The following FIBCD1 variants were observed in gnomAD, a reference collection of about 807,000 sequenced individuals.
FIBCD1 encodes the protein fibrinogen C domain containing 1, also known as fibrinogen C domain-containing protein 1.
In FIBCD1, 47 loss-of-function variants were observed where a neutral mutation model predicts 45.1. That is an observed-to-expected ratio of 1.04 (90% confidence interval 0.82 to 1.33). The LOEUF is 1.33. FIBCD1 is among the 40% of genes most tolerant of loss of function. The pLI is 0.00. For missense variants in FIBCD1, 653 were observed against 682.2 expected (o/e 0.96, Z 0.48); for synonymous variants, 313 against 308.1 (o/e 1.02, Z -0.17).
At chr9:130,912,193 G>A (rs1201812031) in intron 4 of FIBCD1, among the ~76,000 whole-genome samples, 2 of 151,432 alleles carry the variant, frequency 1.3e-5, no homozygotes, top group East Asian at 3.9e-4. Flanking sequence ...TCCCAGCAAG[G>A]AAGGCTGAGC....
intron 4 of FIBCD1, among the ~76,000 whole-genome samples, chr9:130,913,113 G>A (rs886843087): frequency 5.3e-5 from 8 of 152,126 alleles, no homozygotes; most frequent in Admixed American, 2.0e-4. Flanking sequence ...TGGGAGTCAG[G>A]AATCCCATCG....
chr9:130,932,235 A>G (rs1832454611), intron 1 of FIBCD1, among the ~76,000 whole-genome samples: 1 of 152,172 alleles, frequency 6.6e-6, no homozygotes, highest in South Asian at 2.1e-4. Flanking sequence ...TGTAAATTCA[A>G]ATTCCACAAG....
At chr9:130,919,869 C>T (rs993513050) in intron 4 of FIBCD1, among the ~76,000 whole-genome samples, 1 of 151,532 alleles carries the variant, frequency 6.6e-6, no homozygotes, top group African/African-American at 2.4e-5. Context: ...ACGTGTGTGA[C>T]CCCAGCCAGT....
At chr9:130,914,233 C>T (rs909863108) in intron 4 of FIBCD1, among the ~76,000 whole-genome samples, 2 of 152,232 alleles carry the variant, frequency 1.3e-5, no homozygotes, top group East Asian at 1.9e-4. Flanking sequence ...CCAGCCCTCC[C>T]GAGGGGTCTG....
At chr9:130,939,947 C>A (rs1024679766), upstream of FIBCD1, among the ~76,000 whole-genome samples, 1 of 152,094 alleles carries the variant, frequency 6.6e-6, no homozygotes, top group Admixed American at 6.5e-5. Context: ...CCGGCCGCCC[C>A]TCCTCCGCCC....
At chr9:130,930,136 C>G (rs1038209365) in intron 1 of FIBCD1, 90 bp from the exon 2 acceptor site, 45 of 1,427,504 alleles carry the variant, frequency 3.2e-5, no homozygotes, top group Non-Finnish European at 4.0e-5. Context: ...GTCAGAGGAC[C>G]CCCTTCTTGG....
At chr9:130,921,149 G>A (rs1197336159) in intron 4 of FIBCD1, among the ~76,000 whole-genome samples, 9 of 152,218 alleles carry the variant, frequency 5.9e-5, no homozygotes, top group Non-Finnish European at 1.3e-4. Flanking sequence ...AGGTCCCTCC[G>A]GGAAGCAGGC....
At chr9:130,915,664 T>C (rs1421530559) in intron 4 of FIBCD1, among the ~76,000 whole-genome samples, 3 of 152,084 alleles carry the variant, frequency 2.0e-5, no homozygotes, top group East Asian at 3.9e-4. Flanking sequence ...ATCGCGCCAC[T>C]GCACTCCAAC....
intron 4 of FIBCD1, among the ~76,000 whole-genome samples, chr9:130,915,613 T>G (rs1206280584): frequency 2.6e-5 from 4 of 152,068 alleles, no homozygotes; most frequent in Admixed American, 1.3e-4. Context: ...TGAGGCAGGA[T>G]AATCACTTGA....
chr9:130,940,526 T>C (rs149400066), upstream of FIBCD1, among the ~76,000 whole-genome samples: 1,353 of 152,322 alleles, frequency 8.9e-3, 10 homozygotes, highest in Admixed American at 0.015. Context: ...TAGAGGGCCC[T>C]CAGACTTGGG....
At chr9:130,917,134 AG>A (rs943799434) in intron 4 of FIBCD1, among the ~76,000 whole-genome samples, 5 of 152,150 alleles carry the variant, frequency 3.3e-5, no homozygotes, top group Non-Finnish European at 5.9e-5. Flanking sequence ...GGGGAGCAAA[AG>A]GTAGGGAAAC....
rs867164482 is a variant in FIBCD1, at chr9:130,910,209, C to T, written c.946+1583G>A. Among the ~76,000 whole-genome samples, 148 of 150,896 alleles carry T rather than the reference C, an allele frequency of 9.8e-4. 2 individuals are homozygous for T. In the Middle Eastern group the frequency reaches 0.017, roughly 17 times the overall value. ...GGGCATGGGCTTGGCGGGCCCCACA[C>T]TCAGAGCAGCCGACCAGCCCCGCTG... is the stretch of plus-strand genomic sequence containing the variant. On this transcript the variant is annotated intron_variant, in intron 5 of 6. Transcript: ENST00000372338.
chr9:130,920,607 C>T (rs1047739335), intron 4 of FIBCD1, among the ~76,000 whole-genome samples: 1 of 152,084 alleles, frequency 6.6e-6, no homozygotes, highest in Non-Finnish European at 1.5e-5. Flanking sequence ...CCCTGGGACT[C>T]CTGACACGGA....
Position 130,923,785 on chromosome 9 carries a change from G to A in FIBCD1, c.808C>T (p.Gln270Ter). The change falls in exon 4 of 7, where the codon CAG becomes TAG. Residue 270 changes from glutamine (Q) to a stop codon, truncating the protein, a stop_gained. Transcript: ENST00000372338. LOFTEE classifies it high-confidence loss of function. ...VFPTHYPAGFQVYCDMRTDGG... is the reference protein window; with the variant it reads ...VFPTHYPAGF ...TCCGTGCGCATGTCACAGTACACCT[G>A]GAAGCCGGCCGGGTAGTGGGTGGGA... is the stretch of plus-strand genomic sequence containing the variant. 1 of 1,612,898 alleles carries A rather than the reference G, an allele frequency of 6.2e-7. No homozygotes were observed. The highest frequency in any genetic ancestry group is 1.7e-4 in the Middle Eastern group (1 of 5,974).
intron 5 of FIBCD1, among the ~76,000 whole-genome samples, chr9:130,905,989 C>A (rs185637517): frequency 2.0e-5 from 3 of 152,286 alleles, no homozygotes; most frequent in African/African-American, 7.2e-5. Flanking sequence ...CCCACCAGTG[C>A]GGAATTCCCG....
intron 5 of FIBCD1, among the ~76,000 whole-genome samples, chr9:130,911,253 A>G (rs1021794301): frequency 6.6e-6 from 1 of 152,210 alleles, no homozygotes; most frequent in East Asian, 1.9e-4. Context: ...ATCAGAAGAA[A>G]AAAACTCCAG....
chr9:130,911,118 T>C (rs1367302597), intron 5 of FIBCD1, among the ~76,000 whole-genome samples: 1 of 152,062 alleles, frequency 6.6e-6, no homozygotes, highest in African/African-American at 2.4e-5. Context: ...GCTTTGTTCT[T>C]TCACTCTTTG....
chr9:130,920,743 T>C (rs1832247242), intron 4 of FIBCD1, among the ~76,000 whole-genome samples: 2 of 151,932 alleles, frequency 1.3e-5, no homozygotes, highest in South Asian at 4.2e-4. Context: ...AAACAAGCCA[T>C]ACCGTCTCCC....
intron 2 of FIBCD1, among the ~76,000 whole-genome samples, 178 bp downstream of exon 2, chr9:130,929,389 G>A (rs770159828): frequency 2.6e-5 from 4 of 152,210 alleles, no homozygotes; most frequent in Admixed American, 6.5e-5. Context: ...GGCCCTGGAT[G>A]AGTGACTGCG....
Sources: gnomAD v4.1 joint callset for allele counts (sites outside exome capture counted in the v4.1 genomes callset) on GRCh38, gnomAD v4.1.1 for gene constraint, MANE v1.5 for transcripts, NCBI Gene and HGNC (gene_info 2026-07-23, HGNC 2026-07-21) for gene names.